EMX1: variants seen among roughly 807,000 people sequenced by gnomAD.
The protein encoded by EMX1 is empty spiracles homeobox 1, also known as homeobox protein EMX1.
Under a neutral mutation model 20.1 loss-of-function variants are expected in EMX1, and 10 were observed. That is an observed-to-expected ratio of 0.50 (90% CI 0.31 to 0.84). The LOEUF is 0.84. EMX1 is among the 40% of genes least tolerant of loss of function. The pLI is 0.05. For missense variants in EMX1, 424 were observed against 431.9 expected, an observed-to-expected ratio of 0.98 and a Z score of 0.16; for synonymous variants, 250 against 200.4, an observed-to-expected ratio of 1.25 and a Z score of -2.09.
rs1201280674 is a variant in EMX1 at position 72,934,734 on chromosome 2, G to T, written c.*780G>T. 6.6e-6 allele frequency: 1 copy of T among 152,190 alleles called. No individual in the cohort carries two copies. The highest frequency in any genetic ancestry group is 2.4e-5 in the African/African-American group (1 of 41,406). The allele number at this position is 152,190 out of a possible 1,614,324, so 9.4% of individuals were successfully genotyped here. ...GAAACCAGAGGAAAGGGGAGGATTG[G>T]GGTCTGGGGGAGGGAACACCATTCA... On this transcript the variant is annotated 3_prime_UTR_variant, in exon 3 of 3. Transcript: ENST00000258106.
chr2:72,927,776 C>T (rs534772785), intron 2 of EMX1, among the ~76,000 whole-genome samples: 5 of 152,296 alleles, frequency 3.3e-5, no homozygotes, highest in Admixed American at 6.5e-5. Context: ...GCTCAGTGCC[C>T]GGGATGGAGT....
In EMX1 at chr2:72,930,586, G is replaced by T. The variant is rs942128658; in HGVS notation, c.706-3201G>T. The stretch of plus-strand genomic sequence containing the variant: ...CATTCCAACTGTACCTCGGGGCTTA[G>T]AGAGAGGTGAGTAGTGTGTTTGTGT... On this transcript the variant is annotated intron_variant, in intron 2 of 2. Transcript: ENST00000258106. The surrounding 1 kb of genome is among the most constrained non-coding windows in gnomAD (Gnocchi z 4.4). 1.3e-5 allele frequency among the ~76,000 whole-genome samples: 2 copies of T among 152,168 alleles called. No individual in the cohort carries two copies. Among genetic ancestry groups the T allele is most frequent in the South Asian group, 4.1e-4 (2 of 4,836 alleles).
intron 1 of EMX1, among the ~76,000 whole-genome samples, chr2:72,920,977 G>C (rs1188095775): frequency 2.0e-5 from 3 of 152,182 alleles, no homozygotes; most frequent in African/African-American, 4.8e-5. Flanking sequence ...GCAGGAGGAC[G>C]GGGAATGAGG....
intron 2 of EMX1, among the ~76,000 whole-genome samples, chr2:72,932,763 C>T (rs1459304093): frequency 1.3e-5 from 2 of 152,204 alleles, no homozygotes. Context: ...GTTTGAACCC[C>T]ACCCCATACC....
chr2:72,917,710 C>A lies in EMX1; in HGVS notation c.-143C>A. The A allele has an allele frequency of 1.3e-6, 1 of 793,826 alleles. No homozygotes were observed. The highest frequency in any genetic ancestry group is 1.6e-6 in the Non-Finnish European group (1 of 610,518). The allele number at this position is 793,826 out of a possible 1,614,324, so 49.2% of individuals were successfully genotyped here. ...CCTGGAGCTGCCCGCTCCGCCGCAG[C>A]AGCCGCCGCGCCTGGCCGTACGCTG... On this transcript the variant is annotated 5_prime_UTR_variant, in exon 1 of 3. Transcript: ENST00000258106.
In EMX1 at chr2:72,934,167, G is replaced by GAGCC. The variant is rs1239179582; in HGVS notation, c.*214_*217dup. The GAGCC allele has an allele frequency of 1.2e-5, 8 of 660,184 alleles. No individual in the cohort carries two copies. Among genetic ancestry groups the GAGCC allele is most frequent in the Admixed American group, 6.8e-5 (2 of 29,438 alleles). The allele number at this position is 660,184 out of a possible 1,614,324, so 40.9% of individuals were successfully genotyped here. A position where few individuals can be genotyped will look rare whatever the true frequency, so the allele number is the denominator to read the frequency against. On this transcript the variant is annotated 3_prime_UTR_variant, in exon 3 of 3. Coordinates refer to ENST00000258106, the MANE Select transcript of EMX1 (RefSeq NM_004097.3). ...GGGACCACTTGGCCTTCTCCTCGGA[G>GAGCC]AGCCTGCCTGCCTGGGCGGGCCCGC... is the stretch of plus-strand genomic sequence containing the variant.
At chr2:72,931,289 G>A (rs764458258) in intron 2 of EMX1, among the ~76,000 whole-genome samples, 10 of 152,340 alleles carry the variant, frequency 6.6e-5, no homozygotes, top group Admixed American at 5.2e-4. Context: ...TGCTGGGCCC[G>A]TCCCACTACA....
chr2:72,921,634 C>T (rs1355528828), intron 1 of EMX1, among the ~76,000 whole-genome samples: 1 of 152,222 alleles, frequency 6.6e-6, no homozygotes, highest in Admixed American at 6.5e-5. Context: ...ATCAAATAAC[C>T]TGTCATCACT....
rs1447889389 is a variant in EMX1, at chr2:72,917,753, C to T, written c.-100C>T. 8.9e-7 allele frequency: 1 copy of T among 1,123,708 alleles called. No individual in the cohort carries two copies. Among genetic ancestry groups the T allele is most frequent in the Non-Finnish European group, 1.1e-6 (1 of 898,576 alleles). 69.6% of individuals were successfully genotyped at this position (1,123,708 alleles called of 1,614,324 possible). ...GTACGCTGTGGCCGGACCCCGCGGT[C>T]GCTCGCTCACACACCCCTCGCCGCT... On this transcript the variant is annotated 5_prime_UTR_variant, in exon 1 of 3. Coordinates refer to ENST00000258106, the MANE Select transcript of EMX1 (RefSeq NM_004097.3).
intron 2 of EMX1, among the ~76,000 whole-genome samples, chr2:72,927,151 A>G (rs558436429): frequency 7.0e-4 from 106 of 152,342 alleles, no homozygotes; most frequent in African/African-American, 2.5e-3. Context: ...TCTATTAGTT[A>G]TATGTTCTTC....
At chr2:72,916,844 G>T (rs368158870), upstream of EMX1, 2 of 717,196 alleles carry the variant, frequency 2.8e-6, no homozygotes, top group Non-Finnish European at 5.2e-6. Context: ...AGCCGGTCGC[G>T]GCACCGTGTC....
chr2:72,933,443 T>G (rs1671315820), intron 2 of EMX1: 2 of 271,496 alleles, frequency 7.4e-6, no homozygotes, highest in Non-Finnish European at 1.4e-5. Context: ...TAGAGTCCCA[T>G]GTCTGCCGGC....
rs1276838966 is a variant in EMX1, at chr2:72,924,178, C to T, written c.521-131C>T. The T allele has an allele frequency of 4.5e-6, 5 of 1,103,538 alleles. No homozygotes were observed. In the South Asian group the frequency reaches 5.4e-5, roughly 12 times the overall value. 68.4% of individuals were successfully genotyped at this position (1,103,538 alleles called of 1,614,324 possible). Reference sequence around the variant, plus strand: ...CAAAGGGAGAAATGGCGTGTGTGTGCGTGTCAAGGAATGGAGAGGGCAGGG... The same window carrying T: ...CAAAGGGAGAAATGGCGTGTGTGTGTGTGTCAAGGAATGGAGAGGGCAGGG... On this transcript the variant is annotated intron_variant, in intron 1 of 2. Coordinates refer to ENST00000258106, the MANE Select transcript of EMX1 (RefSeq NM_004097.3).
intron 1 of EMX1, among the ~76,000 whole-genome samples, 170 bp downstream of exon 1, chr2:72,918,542 C>T (rs1356045958): frequency 8.5e-5 from 13 of 152,262 alleles, no homozygotes; most frequent in Admixed American, 6.5e-4. Context: ...TCCACCCGCG[C>T]CTTCGCCGCG....
intron 1 of EMX1, among the ~76,000 whole-genome samples, chr2:72,918,988 G>A (rs780676895): frequency 5.6e-4 from 86 of 152,262 alleles, no homozygotes; most frequent in Non-Finnish European, 1.0e-3. Flanking sequence ...GGTGGGGAAG[G>A]TTTGCAGTAA....
intron 2 of EMX1, chr2:72,926,034 T>A (rs1671194707): frequency 2.0e-6 from 2 of 985,306 alleles, no homozygotes. Context: ...AATTATTGTT[T>A]GAAACAAGGT....
At chr2:72,929,348 G>A (rs1671249536) in intron 2 of EMX1, among the ~76,000 whole-genome samples, 1 of 152,164 alleles carries the variant, frequency 6.6e-6, no homozygotes, top group Admixed American at 6.5e-5. Flanking sequence ...GGTCCAGGCT[G>A]GGCTGAAAGA....
At chr2:72,916,758 G>A (rs1316544970), upstream of EMX1, 1 of 717,248 alleles carries the variant, frequency 1.4e-6, no homozygotes, top group Non-Finnish European at 2.6e-6. Context: ...CCGGCCCGCC[G>A]ACACTTGAGC....
chr2:72,917,070 T>A, upstream of EMX1: 1 of 653,526 alleles, frequency 1.5e-6, no homozygotes, highest in Non-Finnish European at 2.9e-6. Flanking sequence ...GGTGGGTGAG[T>A]GGGAGAGTCC....
Sources: gnomAD v4.1 joint callset for allele counts (sites outside exome capture counted in the v4.1 genomes callset) on GRCh38, gnomAD v4.1.1 for gene constraint, Gnocchi (gnomAD v3.1) non-coding constraint, MANE v1.5 for transcripts, NCBI Gene and HGNC (gene_info 2026-07-23, HGNC 2026-07-21) for gene names.